Variants in DNM2 observed in about 807,000 individuals in gnomAD.
The protein encoded by DNM2 is dynamin 2, also known as dynamin-2.
A neutral mutation model predicts 99.0 loss-of-function variants in DNM2; 15 were observed. That is an observed-to-expected ratio of 0.15 (90% CI 0.10 to 0.23). The LOEUF (loss-of-function observed/expected upper bound fraction) is 0.23. DNM2 is among the 10% of genes least tolerant of loss of function. The pLI, the probability that DNM2 is intolerant of heterozygous loss-of-function variation, is 1.00. For synonymous variants in DNM2, 525 were observed against 481.2 expected (o/e 1.09, Z -1.19); for missense variants, 742 against 1,189.4 (o/e 0.62, Z 5.53).
At chr19:10,819,386 C>T (rs138892444) in intron 15 of DNM2, among the ~76,000 whole-genome samples, 1 of 152,216 alleles carries the variant, frequency 6.6e-6, no homozygotes, top group Non-Finnish European at 1.5e-5. Context: ...CCTCAGTCTT[C>T]CCCTCTGTAA....
At chr19:10,743,864 G>A (rs1394500657) in intron 1 of DNM2, among the ~76,000 whole-genome samples, 1 of 148,144 alleles carries the variant, frequency 6.8e-6, no homozygotes. Flanking sequence ...GCGTGCGCCT[G>A]TAGTCCCAGC....
chr19:10,777,243 C>G (rs1326222843), intron 5 of DNM2, 27 bp downstream of exon 5: 1 of 1,609,628 alleles, frequency 6.2e-7, no homozygotes, highest in South Asian at 1.1e-5. Context: ...GCTGGGGAAG[C>G]AGGAGGATGG....
Position 10,811,904 on chromosome 19 carries a change from T to C in DNM2, c.1558-360T>C, listed in dbSNP as rs2072559743. 2 of 463,688 alleles carry C rather than the reference T, an allele frequency of 4.3e-6. No homozygotes were observed. Among genetic ancestry groups the C allele is most frequent in the Middle Eastern group, 6.5e-4 (2 of 3,074 alleles). 28.7% of individuals were successfully genotyped at this position (463,688 alleles called of 1,614,324 possible). On this transcript the variant is annotated intron_variant, in intron 14 of 20. Coordinates refer to ENST00000389253, the MANE Select transcript of DNM2 (RefSeq NM_001005361.3). This position sits in a 1 kb window ranked among gnomAD's most constrained non-coding sequence, Gnocchi z 5.4. ...TGTGTGGATGCTACCCTTGGAACCTTATCTCACGCAAACAAGTGCAGTTCC... is the reference window on the plus strand; with the variant it reads ...TGTGTGGATGCTACCCTTGGAACCTCATCTCACGCAAACAAGTGCAGTTCC...
intron 1 of DNM2, among the ~76,000 whole-genome samples, chr19:10,734,638 C>CAA (rs61458566): frequency 0.04 from 2,355 of 58,288 alleles, 61 homozygotes; most frequent in South Asian, 0.081. Context: ...GACCCTGTCT[C>CAA]AAAAAAAAAA....
rs892971413 is a variant in DNM2 at position 10,818,021 on chromosome 19, G to A, written c.1672-1959G>A. Reference sequence around the variant, plus strand: ...AGGCCCTTGGGCAAACGTCCGAGCCGGGGGCAGGGCTTCTGCAGAGCCCCC... The same window carrying A: ...AGGCCCTTGGGCAAACGTCCGAGCCAGGGGCAGGGCTTCTGCAGAGCCCCC... On this transcript the variant is annotated intron_variant, in intron 15 of 20. Coordinates refer to ENST00000389253, the MANE Select transcript of DNM2 (RefSeq NM_001005361.3). This position sits in a 1 kb window ranked among gnomAD's most constrained non-coding sequence, Gnocchi z 4.3. 6.6e-6 allele frequency among the ~76,000 whole-genome samples: 1 copy of A among 152,230 alleles called. No homozygotes were observed. The highest frequency in any genetic ancestry group is 2.4e-5 in the African/African-American group (1 of 41,548).
In DNM2 at chr19:10,813,389, A is replaced by G. The variant is rs763231191; in HGVS notation, c.1671+1012A>G. On this transcript the variant is annotated intron_variant, in intron 15 of 20. Coordinates refer to ENST00000389253, the MANE Select transcript of DNM2 (RefSeq NM_001005361.3). ...TAGAAAAAGATACATAATGTTTGACATATTTATGGGGTCCCTGTGATGTTT... is the reference window on the plus strand; with the variant it reads ...TAGAAAAAGATACATAATGTTTGACGTATTTATGGGGTCCCTGTGATGTTT... Among the ~76,000 whole-genome samples the G allele has an allele frequency of 1.1e-4, 17 of 152,208 alleles. 1 individual carries two copies. Among genetic ancestry groups the G allele is most frequent in the Non-Finnish European group, 2.2e-4 (15 of 68,032 alleles).
chr19:10,823,713 G>A (rs1599628340), intron 16 of DNM2, 75 bp from the exon 17 acceptor site: 1 of 1,451,604 alleles, frequency 6.9e-7, no homozygotes, highest in South Asian at 1.1e-5. Context: ...GACCCCTAGA[G>A]CCCATTCCTC....
At chr19:10,786,486 G>A in intron 6 of DNM2, 78 bp from the exon 7 acceptor site, 1 of 1,607,342 alleles carries the variant, frequency 6.2e-7, no homozygotes. Context: ...GTTGGCCCTT[G>A]GTTGGGGGGA....
At chr19:10,754,943 T>C (rs959467832) in intron 1 of DNM2, among the ~76,000 whole-genome samples, 1 of 152,226 alleles carries the variant, frequency 6.6e-6, no homozygotes, top group Non-Finnish European at 1.5e-5. Flanking sequence ...TAGATCAAGA[T>C]GCAGGACTTC....
At chr19:10,786,423 G>A in intron 6 of DNM2, 141 bp from the exon 7 acceptor site, 2 of 1,312,266 alleles carry the variant, frequency 1.5e-6, no homozygotes, top group Admixed American at 3.5e-5. Context: ...TGATTTATCT[G>A]TTGCTGTCTC....
Position 10,783,081 on chromosome 19 carries a change from C to A in DNM2, c.810C>A (p.Asp270Glu). 6.2e-7 allele frequency: 1 copy of A among 1,613,666 alleles called. No individual in the cohort carries two copies. The highest frequency in any genetic ancestry group is 2.2e-5 in the East Asian group (1 of 44,886). Residue 270 changes from aspartate to glutamate, a missense_variant, in exon 6 of 21, where the codon GAC becomes GAA. Asp to Glu is a conservative substitution (Grantham distance 45). Transcript: ENST00000389253. ...ACCCGGCCTACCGGCACATGGCCGACCGCATGGGCACGCCACATCTGCAGA... is the reference window on the plus strand; with the variant it reads ...ACCCGGCCTACCGGCACATGGCCGAACGCATGGGCACGCCACATCTGCAGA... ...LSHPAYRHMADRMGTPHLQKT... is the reference protein window; with the variant it reads ...LSHPAYRHMAERMGTPHLQKT...
intron 1 of DNM2, among the ~76,000 whole-genome samples, chr19:10,722,305 C>A (rs1484848728): frequency 6.6e-6 from 1 of 152,120 alleles, no homozygotes; most frequent in African/African-American, 2.4e-5. Flanking sequence ...CCTCCTGGCC[C>A]TGGAACCTTT....
chr19:10,723,884 A>G (rs2069022564), intron 1 of DNM2, among the ~76,000 whole-genome samples: 1 of 152,074 alleles, frequency 6.6e-6, no homozygotes, highest in South Asian at 2.1e-4. Context: ...TTGAGCCCAG[A>G]AGTTGGAGAC....
intron 18 of DNM2, among the ~76,000 whole-genome samples, chr19:10,827,499 A>G (rs555207174): frequency 1.8e-4 from 28 of 151,590 alleles, no homozygotes; most frequent in Admixed American, 1.7e-3. Context: ...AGCCCAGGAG[A>G]TCGAGGCTGC....
At chr19:10,739,026 G>A (rs2069639197) in intron 1 of DNM2, among the ~76,000 whole-genome samples, 2 of 152,074 alleles carry the variant, frequency 1.3e-5, no homozygotes, top group South Asian at 4.1e-4. Context: ...AGATTAGCGG[G>A]GCGTGGTAGC....
chr19:10,731,440 C>T (rs567605427), intron 1 of DNM2, among the ~76,000 whole-genome samples: 2 of 151,870 alleles, frequency 1.3e-5, no homozygotes, highest in Non-Finnish European at 2.9e-5. Flanking sequence ...GCAACCTCCA[C>T]CTCCTGGGTT....
At chr19:10,733,782 G>A (rs1599438097) in intron 1 of DNM2, among the ~76,000 whole-genome samples, 1 of 151,866 alleles carries the variant, frequency 6.6e-6, no homozygotes, top group African/African-American at 2.4e-5. Context: ...AGAGGCAGGT[G>A]GATCACCTGA....
At chr19:10,724,208 C>T (rs1294344095) in intron 1 of DNM2, among the ~76,000 whole-genome samples, 2 of 152,036 alleles carry the variant, frequency 1.3e-5, no homozygotes, top group Non-Finnish European at 2.9e-5. Flanking sequence ...GACGGAGTCT[C>T]ACTCTGTCTT....
chr19:10,783,943 G>C (rs1168879583), intron 6 of DNM2, among the ~76,000 whole-genome samples: 1 of 151,968 alleles, frequency 6.6e-6, no homozygotes, highest in Non-Finnish European at 1.5e-5. Context: ...CGAGTGATCC[G>C]CCTGTGTCAG....
Sources: allele counts gnomAD v4.1 joint callset (sites outside exome capture counted in the v4.1 genomes callset), GRCh38; gene constraint gnomAD v4.1.1; non-coding constraint Gnocchi (gnomAD v3.1); transcripts MANE v1.5; gene names NCBI Gene and HGNC (gene_info 2026-07-23, HGNC 2026-07-21).